Variants in HTR1E observed in about 807,000 individuals in gnomAD.
HTR1E encodes 5-hydroxytryptamine receptor 1E.
In HTR1E, 3 loss-of-function variants were observed where a neutral mutation model predicts 3.4. The ratio of observed to expected loss-of-function variants is 0.89; its 90% CI spans 0.41 to 2.31. HTR1E has a LOEUF of 2.31. Among genes scored for constraint, HTR1E ranks in the 30% most tolerant of loss-of-function variants. The pLI, the probability that HTR1E is intolerant of heterozygous loss-of-function variation, is 0.05. For missense variants in HTR1E, 392 were observed against 467.0 expected (o/e 0.84, Z 1.48); for synonymous variants, 170 against 182.8 (o/e 0.93, Z 0.56).
intron 1 of HTR1E, among the ~76,000 whole-genome samples, chr6:86,987,264 C>G (rs1484299308): frequency 1.3e-5 from 2 of 152,112 alleles, no homozygotes; most frequent in East Asian, 3.9e-4. Context: ...AGTCTTGCAT[C>G]TGTTGCTAAA....
At chr6:86,986,798 A>C (rs1767794900) in intron 1 of HTR1E, among the ~76,000 whole-genome samples, 1 of 152,200 alleles carries the variant, frequency 6.6e-6, no homozygotes, top group African/African-American at 2.4e-5. Context: ...CTTTGTTAAG[A>C]AATAGTGAAA....
intron 1 of HTR1E, among the ~76,000 whole-genome samples, chr6:86,962,262 G>A (rs1479862178): frequency 6.6e-6 from 1 of 152,112 alleles, no homozygotes; most frequent in East Asian, 1.9e-4. Context: ...GAGTTGCTTG[G>A]GTCAGAAATG....
At chr6:86,940,664 A>AT (rs1768533436) in intron 1 of HTR1E, among the ~76,000 whole-genome samples, 1 of 152,064 alleles carries the variant, frequency 6.6e-6, no homozygotes, top group Non-Finnish European at 1.5e-5. Context: ...CACACAGATC[A>AT]TTTTTTTCAT....
intron 1 of HTR1E, among the ~76,000 whole-genome samples, chr6:87,002,300 T>C (rs991801688): frequency 2.0e-5 from 3 of 152,198 alleles, no homozygotes; most frequent in African/African-American, 7.2e-5. Flanking sequence ...AGCGAAGCCA[T>C]GGACTTGGTG....
chr6:86,980,311 C>T (rs1427253262), intron 1 of HTR1E, among the ~76,000 whole-genome samples: 17 of 150,658 alleles, frequency 1.1e-4, no homozygotes, highest in Admixed American at 8.6e-4. Context: ...GGTGTGAACC[C>T]GGGAGGCGGA....
chr6:86,942,694 T>C (rs1308674555), intron 1 of HTR1E, among the ~76,000 whole-genome samples: 1 of 152,252 alleles, frequency 6.6e-6, no homozygotes, highest in Non-Finnish European at 1.5e-5. Context: ...GCATATTTTA[T>C]TTCATAGATT....
rs1582250435 is a variant in HTR1E at position 86,937,616 on chromosome 6, T to A, written c.-393T>A. On this transcript the variant is annotated 5_prime_UTR_variant, in exon 1 of 2. Coordinates refer to ENST00000305344, the MANE Select transcript of HTR1E (RefSeq NM_000865.3). ...GCGCGCCGCGCTCCCAGGTTCTGTC[T>A]CGCCGCACCCCGGCGGGCACTGGCG... The A allele has an allele frequency of 6.5e-6, 1 of 152,822 alleles. No homozygotes were observed. Among genetic ancestry groups the A allele is most frequent in the Non-Finnish European group, 1.5e-5 (1 of 68,190 alleles). The allele number at this position is 152,822 out of a possible 1,614,324, so 9.5% of individuals were successfully genotyped here.
intron 1 of HTR1E, among the ~76,000 whole-genome samples, chr6:86,955,225 C>T (rs1767303779): frequency 6.6e-6 from 1 of 152,234 alleles, no homozygotes; most frequent in Non-Finnish European, 1.5e-5. Context: ...ATCATGTGAA[C>T]TCAGGCAGGT....
intron 1 of HTR1E, among the ~76,000 whole-genome samples, chr6:86,965,208 G>A (rs1767456800): frequency 6.6e-6 from 1 of 152,144 alleles, no homozygotes; most frequent in East Asian, 1.9e-4. Context: ...CTGCTCCTCT[G>A]ACAGAGCAAG....
chr6:86,938,878 A>T (rs747098654), intron 1 of HTR1E, among the ~76,000 whole-genome samples: 25 of 152,210 alleles, frequency 1.6e-4, no homozygotes, highest in Non-Finnish European at 3.5e-4. Flanking sequence ...TTGCTCCAGA[A>T]TATATATTTA....
intron 1 of HTR1E, among the ~76,000 whole-genome samples, chr6:86,980,429 C>T (rs1238073818): frequency 2.0e-5 from 3 of 151,066 alleles, no homozygotes; most frequent in African/African-American, 7.3e-5. Flanking sequence ...AAAACAGGGT[C>T]ATGGATGAAG....
intron 1 of HTR1E, among the ~76,000 whole-genome samples, chr6:86,994,928 T>C (rs1361837569): frequency 6.6e-6 from 1 of 151,994 alleles, no homozygotes; most frequent in Non-Finnish European, 1.5e-5. Flanking sequence ...ATAAGTTGTG[T>C]ATATATCATA....
intron 1 of HTR1E, among the ~76,000 whole-genome samples, chr6:86,939,908 G>A (rs781381147): frequency 6.6e-6 from 1 of 152,170 alleles, no homozygotes; most frequent in Non-Finnish European, 1.5e-5. Flanking sequence ...CCATTCTGGT[G>A]TCTATACAAA....
intron 1 of HTR1E, among the ~76,000 whole-genome samples, chr6:86,986,244 C>CT (rs1767784965): frequency 6.6e-6 from 1 of 152,074 alleles, no homozygotes; most frequent in African/African-American, 2.4e-5. Context: ...ACTATATATG[C>CT]TTTTTTTCAC....
intron 1 of HTR1E, among the ~76,000 whole-genome samples, chr6:86,964,611 A>G (rs1016135275): frequency 2.0e-5 from 3 of 152,244 alleles, no homozygotes; most frequent in African/African-American, 7.2e-5. Context: ...TCTTTATAAC[A>G]GTAAAGTTGT....
chr6:86,957,228 T>A (rs1225176185), intron 1 of HTR1E, among the ~76,000 whole-genome samples: 1 of 152,242 alleles, frequency 6.6e-6, no homozygotes, highest in African/African-American at 2.4e-5. Context: ...TTGTGAGACT[T>A]TTCAAAAACA....
intron 1 of HTR1E, among the ~76,000 whole-genome samples, chr6:86,982,793 C>G (rs17821097): frequency 0.048 from 7,277 of 152,278 alleles, 192 homozygotes; most frequent in Middle Eastern, 0.071. Flanking sequence ...GAAAGCCAGT[C>G]AAGTCTATGT....
At chr6:86,967,911 G>A (rs1262713910) in intron 1 of HTR1E, among the ~76,000 whole-genome samples, 1 of 152,110 alleles carries the variant, frequency 6.6e-6, no homozygotes, top group African/African-American at 2.4e-5. Context: ...GGAGAGGGGA[G>A]AGTTTTTTTG....
intron 1 of HTR1E, among the ~76,000 whole-genome samples, chr6:86,946,598 T>C (rs1423003190): frequency 6.6e-6 from 1 of 152,230 alleles, no homozygotes; most frequent in Non-Finnish European, 1.5e-5. Context: ...ATGACAATGA[T>C]GAAGATGACT....
Sources: allele counts gnomAD v4.1 joint callset (sites outside exome capture counted in the v4.1 genomes callset), GRCh38; gene constraint gnomAD v4.1.1; transcripts MANE v1.5; gene names NCBI Gene and HGNC (gene_info 2026-07-23, HGNC 2026-07-21).